Variants in CDH22 observed in about 807,000 individuals in gnomAD.
CDH22 encodes cadherin 22.
In CDH22, 30 loss-of-function variants were observed where a neutral mutation model predicts 58.4. The observed-to-expected ratio is 0.51, with a 90% CI of 0.38 to 0.70. The LOEUF is 0.70. CDH22 is among the 30% of genes least tolerant of loss of function. The probability of loss-of-function intolerance (pLI) is 0.00; values close to 1 mark genes in which losing one functional copy is unlikely to be tolerated. For missense variants in CDH22, 1,014 were observed against 1,233.9 expected (o/e 0.82, Z 2.67); for synonymous variants, 513 against 558.2 (o/e 0.92, Z 1.14).
At chr20:46,225,572 C>T (rs2086165296) in intron 4 of CDH22, among the ~76,000 whole-genome samples, 1 of 152,090 alleles carries the variant, frequency 6.6e-6, no homozygotes, top group South Asian at 2.1e-4. Flanking sequence ...CATTGGTTGC[C>T]TTGGGGATAC....
chr20:46,180,723 C>G (rs530956918), intron 10 of CDH22, among the ~76,000 whole-genome samples: 1 of 152,102 alleles, frequency 6.6e-6, no homozygotes, highest in East Asian at 1.9e-4. Flanking sequence ...TCCTTCCTTC[C>G]AACCATCCAA....
chr20:46,259,406 T>G (rs2086421217), intron 1 of CDH22, among the ~76,000 whole-genome samples: 1 of 152,236 alleles, frequency 6.6e-6, no homozygotes, highest in Non-Finnish European at 1.5e-5. Context: ...GAGAAATCCC[T>G]GGCAGTTGCT....
chr20:46,195,019 C>T (rs1365732135), intron 8 of CDH22, among the ~76,000 whole-genome samples: 3 of 152,158 alleles, frequency 2.0e-5, no homozygotes, highest in African/African-American at 7.2e-5. Context: ...CGTGAACCAC[C>T]GTGCCCAGCC....
chr20:46,304,226 A>C (rs1006504722), intron 1 of CDH22, among the ~76,000 whole-genome samples: 1 of 152,192 alleles, frequency 6.6e-6, no homozygotes, highest in Non-Finnish European at 1.5e-5. Flanking sequence ...GATCATGTGC[A>C]AAACCAAACA....
intron 1 of CDH22, among the ~76,000 whole-genome samples, chr20:46,281,187 T>C (rs1044966289): frequency 8.5e-5 from 13 of 152,198 alleles, no homozygotes; most frequent in Admixed American, 5.2e-4. Context: ...AAAGAACATG[T>C]TGTCTGTGTG....
chr20:46,286,709 C>G (rs780857103), intron 1 of CDH22, among the ~76,000 whole-genome samples: 4 of 152,152 alleles, frequency 2.6e-5, no homozygotes, highest in Non-Finnish European at 4.4e-5. Flanking sequence ...GGGTGCCAGC[C>G]TTGCCTGGTT....
chr20:46,195,885 C>CA (rs2085897161), intron 8 of CDH22, among the ~76,000 whole-genome samples: 1 of 152,128 alleles, frequency 6.6e-6, no homozygotes, highest in Non-Finnish European at 1.5e-5. Context: ...CTGAGTGCAA[C>CA]ATTCTCCGAG....
At chr20:46,277,856 A>T (rs1178991610) in intron 1 of CDH22, among the ~76,000 whole-genome samples, 1 of 151,704 alleles carries the variant, frequency 6.6e-6, no homozygotes, top group East Asian at 1.9e-4. Context: ...AGACAACTTG[A>T]TAAGTTGGGC....
At chr20:46,292,201 G>A (rs967920271) in intron 1 of CDH22, among the ~76,000 whole-genome samples, 1 of 152,214 alleles carries the variant, frequency 6.6e-6, no homozygotes, top group African/African-American at 2.4e-5. Context: ...CTTTCCCACT[G>A]GAGGCTCCCT....
Position 46,251,108 on chromosome 20 carries a change from C to T in CDH22, c.187G>A (p.Gly63Ser). The T allele has an allele frequency of 3.1e-6, 5 of 1,607,848 alleles. No individual in the cohort carries two copies. The highest frequency in any genetic ancestry group is 4.2e-6 in the Non-Finnish European group (5 of 1,177,208). ...GALGAGRVKR[G>S]WVWNQFFVVE... is the part of the protein sequence containing the mutation. ...ACGAAGAACTGGTTCCACACCCAGC[C>T]GCGTTTGACGCGGCCGGCTCCCAGC... Residue 63 changes from glycine (G) to serine (S), a missense_variant, in exon 2 of 12, where the codon GGC becomes AGC. Coordinates refer to ENST00000537909, the MANE Select transcript of CDH22 (RefSeq NM_021248.3). This position sits in a 1 kb window ranked among gnomAD's most constrained non-coding sequence, Gnocchi z 6.7.
chr20:46,262,658 GAC>G lies in CDH22; in HGVS notation c.-399-10967_-399-10966del, dbSNP rs1467470008. Among the ~76,000 whole-genome samples, 7 of 152,288 alleles carry G rather than the reference GAC, an allele frequency of 4.6e-5. No individual in the cohort carries two copies. The East Asian group carries it at 1.3e-3, about 29-fold the overall frequency. Reference sequence around the variant, plus strand: ...TCCATTTTTCAGATAAGGAAACTGAGACACAAAGAGTTTATGTGATGGGCCCA... The same window carrying G: ...TCCATTTTTCAGATAAGGAAACTGAGACAAAGAGTTTATGTGATGGGCCCA... On this transcript the variant is annotated intron_variant, in intron 1 of 11. Transcript: ENST00000537909.
chr20:46,277,245 A>G (rs188540322), intron 1 of CDH22, among the ~76,000 whole-genome samples: 286 of 152,306 alleles, frequency 1.9e-3, no homozygotes, highest in Non-Finnish European at 3.2e-3. Flanking sequence ...GTAACTAAAC[A>G]TAATATCAAG....
intron 1 of CDH22, among the ~76,000 whole-genome samples, chr20:46,306,051 T>G (rs1009912520): frequency 6.6e-6 from 1 of 152,212 alleles, no homozygotes; most frequent in African/African-American, 2.4e-5. Flanking sequence ...GGGGCCAAAC[T>G]TTGTCCTCTG....
chr20:46,238,002 T>C lies in CDH22; in HGVS notation c.550+2961A>G, dbSNP rs6032727. On this transcript the variant is annotated intron_variant, in intron 3 of 11. Transcript: ENST00000537909. ...AGTCACAGTGAGAGTGAAGTGGTCA[T>C]GGAGGAGCCACCATGGTGGAGATGA... Among the ~76,000 whole-genome samples the C allele has an allele frequency of 6.4e-3, 970 of 152,238 alleles. 14 individuals are homozygous for C. The highest frequency in any genetic ancestry group is 0.022 in the African/African-American group (931 of 41,540).
chr20:46,217,060 T>C, intron 4 of CDH22, 67 bp from the exon 5 acceptor site: 1 of 1,489,544 alleles, frequency 6.7e-7, no homozygotes, highest in Non-Finnish European at 9.1e-7. Flanking sequence ...GAGACCCCTG[T>C]ACAGGCGGGA....
chr20:46,229,292 C>T (rs958304295), intron 3 of CDH22, among the ~76,000 whole-genome samples: 1 of 143,304 alleles, frequency 7.0e-6, no homozygotes. Context: ...CAGAGTGGCC[C>T]CCCCCCCCAA....
At position 46,241,668 on chromosome 20, in the gene CDH22, A is replaced by G. The variant is rs1054094107; in HGVS notation, c.256-411T>C. Among the ~76,000 whole-genome samples, 28 of 152,112 alleles carry G rather than the reference A, an allele frequency of 1.8e-4. No individual in the cohort carries two copies. The highest frequency in any genetic ancestry group is 6.8e-4 in the African/African-American group (28 of 41,420). On this transcript the variant is annotated intron_variant, in intron 2 of 11. Transcript: ENST00000537909. This position sits in a 1 kb window ranked among gnomAD's most constrained non-coding sequence, Gnocchi z 5.2. ...CCTGTCCTTGTTTCTCTGCCCATGGAAAGTCTCTCATCCTGCAAAGTGCAA... is the reference window on the plus strand; with the variant it reads ...CCTGTCCTTGTTTCTCTGCCCATGGGAAGTCTCTCATCCTGCAAAGTGCAA...
rs1389890592 is a variant in CDH22, at chr20:46,251,489, G to A, written c.-195C>T. ...CAGCCGCGGGGGTACCCGGCTGGAGGGGGAGGGGGCGCGGCCGCATCCGGG... is the reference window on the plus strand; with the variant it reads ...CAGCCGCGGGGGTACCCGGCTGGAGAGGGAGGGGGCGCGGCCGCATCCGGG... On this transcript the variant is annotated 5_prime_UTR_variant, in exon 2 of 12. Coordinates refer to ENST00000537909, the MANE Select transcript of CDH22 (RefSeq NM_021248.3). This position sits in a 1 kb window ranked among gnomAD's most constrained non-coding sequence, Gnocchi z 6.7. The A allele has an allele frequency of 3.9e-6, 2 of 515,506 alleles. No individual in the cohort carries two copies. The highest frequency in any genetic ancestry group is 5.9e-6 in the Non-Finnish European group (2 of 337,590). 31.9% of individuals were successfully genotyped at this position (515,506 alleles called of 1,614,324 possible). A position where few individuals can be genotyped will look rare whatever the true frequency, so the allele number is the denominator to read the frequency against.
chr20:46,216,653 AG>A lies in CDH22; in HGVS notation c.838+172del, dbSNP rs1319426620. On this transcript the variant is annotated intron_variant, in intron 5 of 11. Transcript: ENST00000537909. The surrounding 1 kb of genome is among the most constrained non-coding windows in gnomAD (Gnocchi z 5.3). ...CTTCCTTGGTAGGAAGCATGGTTGG[AG>A]GGGGGCTGGGGGATAGCTGGTGGCT... Among the ~76,000 whole-genome samples, 1 of 151,684 alleles carries A rather than the reference AG, an allele frequency of 6.6e-6. No homozygotes were observed. Among genetic ancestry groups the A allele is most frequent in the African/African-American group, 2.4e-5 (1 of 41,252 alleles).
Sources: allele counts gnomAD v4.1 joint callset (sites outside exome capture counted in the v4.1 genomes callset), GRCh38; gene constraint gnomAD v4.1.1; non-coding constraint Gnocchi (gnomAD v3.1); transcripts MANE v1.5; gene names NCBI Gene and HGNC (gene_info 2026-07-23, HGNC 2026-07-21).